ARHGEF3: variants seen among roughly 807,000 people sequenced by gnomAD.
ARHGEF3 encodes the protein 59.8 kDA protein.
A neutral mutation model predicts 63.2 loss-of-function variants in ARHGEF3; 28 were observed. The observed-to-expected ratio is 0.44, with a 90% confidence interval of 0.33 to 0.61. The LOEUF (loss-of-function observed/expected upper bound fraction) is 0.61, where lower values mean the gene tolerates loss of function less well. Among genes scored for constraint, ARHGEF3 ranks in the 20% least tolerant of loss-of-function variants. The pLI is 0.03. For synonymous variants in ARHGEF3, 266 were observed against 254.2 expected (o/e 1.05, Z -0.44); for missense variants, 533 against 659.3 (o/e 0.81, Z 2.10).
intron 2 of ARHGEF3, among the ~76,000 whole-genome samples, chr3:57,010,744 C>T (rs1702664439): frequency 6.6e-6 from 1 of 152,146 alleles, no homozygotes; most frequent in East Asian, 1.9e-4. Flanking sequence ...GAACCAAGGA[C>T]CCCAGTGTTC....
chr3:57,073,791 C>T, intron 1 of ARHGEF3: 1 of 1,614,238 alleles, frequency 6.2e-7, no homozygotes, highest in Non-Finnish European at 8.5e-7. Context: ...CGTTCCATGG[C>T]CACCCAGAGG....
chr3:56,794,415 G>C (rs1408105635), intron 1 of ARHGEF3, among the ~76,000 whole-genome samples: 1 of 150,066 alleles, frequency 6.7e-6, no homozygotes. Context: ...TTGAACCCGG[G>C]AGGCAGAGGT....
intron 4 of ARHGEF3, among the ~76,000 whole-genome samples, chr3:56,864,914 C>A (rs1160744027): frequency 6.6e-6 from 1 of 152,066 alleles, no homozygotes; most frequent in Non-Finnish European, 1.5e-5. Context: ...GAACATGAGA[C>A]CTTCAGTCAA....
chr3:56,853,476 ACAG>A (rs2039748007), intron 4 of ARHGEF3, among the ~76,000 whole-genome samples: 5 of 152,082 alleles, frequency 3.3e-5, no homozygotes, highest in Admixed American at 2.6e-4. Context: ...AGCTGGGATT[ACAG>A]GCATGTGCCA....
chr3:56,843,451 G>C (rs2039383587), intron 4 of ARHGEF3, among the ~76,000 whole-genome samples: 1 of 150,474 alleles, frequency 6.6e-6, no homozygotes, highest in Non-Finnish European at 1.5e-5. Context: ...TTTTTTTATA[G>C]AGAAAGGGTT....
rs961180166 is a variant in ARHGEF3 at position 56,916,006 on chromosome 3, C to A, written c.130-33652G>T. Among the ~76,000 whole-genome samples, 6 of 152,166 alleles carry A rather than the reference C, an allele frequency of 3.9e-5. No individual in the cohort carries two copies. The South Asian group carries it at 1.2e-3, about 31-fold the overall frequency. On this transcript the variant is annotated intron_variant, in intron 3 of 12. Transcript: ENST00000338458. ...GAAAAGCCCTTCCCTTTGTTCCCCT[C>A]CAATCACTTATGCTAAAGGAGGCCC...
intron 2 of ARHGEF3, among the ~76,000 whole-genome samples, chr3:56,960,179 A>G (rs1338237000): frequency 2.0e-5 from 3 of 152,236 alleles, no homozygotes; most frequent in African/African-American, 4.8e-5. Flanking sequence ...AATAGCAGCA[A>G]CTAACCAATA....
intron 3 of ARHGEF3, among the ~76,000 whole-genome samples, chr3:56,899,048 G>A (rs1356597126): frequency 2.6e-5 from 4 of 152,038 alleles, no homozygotes; most frequent in Non-Finnish European, 4.4e-5. Flanking sequence ...AAGAGACTCC[G>A]TCCCAAAAAC....
At chr3:56,931,540 C>T (rs548786146) in intron 3 of ARHGEF3, among the ~76,000 whole-genome samples, 90 of 123,992 alleles carry the variant, frequency 7.3e-4, no homozygotes, top group African/African-American at 2.7e-3. Flanking sequence ...CGTGCTACTG[C>T]ACTCCAGCCT....
intron 4 of ARHGEF3, among the ~76,000 whole-genome samples, chr3:56,851,191 G>A (rs903140942): frequency 3.3e-5 from 5 of 152,122 alleles, no homozygotes; most frequent in East Asian, 1.9e-4. Flanking sequence ...TCCTCCATCC[G>A]TCTCAGCTCT....
At chr3:57,019,182 C>A (rs1004356215) in intron 2 of ARHGEF3, among the ~76,000 whole-genome samples, 8 of 152,164 alleles carry the variant, frequency 5.3e-5, no homozygotes, top group Non-Finnish European at 1.0e-4. Context: ...ACCTTGGTTT[C>A]TTTATTTATA....
intron 6 of ARHGEF3, among the ~76,000 whole-genome samples, chr3:56,748,511 A>G (rs553855824): frequency 6.6e-6 from 1 of 151,768 alleles, no homozygotes; most frequent in South Asian, 2.1e-4. Flanking sequence ...CACTTTTTAA[A>G]GAAGTTCTTT....
At chr3:56,953,158 G>T (rs534906694) in intron 3 of ARHGEF3, among the ~76,000 whole-genome samples, 2 of 152,316 alleles carry the variant, frequency 1.3e-5, no homozygotes, top group African/African-American at 2.4e-5. Context: ...GAAGTGAAAG[G>T]CTTGCTGGCT....
At chr3:56,953,224 G>T (rs186016138) in intron 3 of ARHGEF3, among the ~76,000 whole-genome samples, 183 of 152,348 alleles carry the variant, frequency 1.2e-3, no homozygotes, top group African/African-American at 4.3e-3. Flanking sequence ...GGCCTGGTGT[G>T]TTGTGAGCAT....
At chr3:56,858,947 C>A (rs1032818156) in intron 4 of ARHGEF3, among the ~76,000 whole-genome samples, 2 of 152,020 alleles carry the variant, frequency 1.3e-5, no homozygotes, top group Admixed American at 1.3e-4. Flanking sequence ...CCTGCTGAAC[C>A]CTATGGACCT....
At chr3:56,982,558 C>T (rs893079043) in intron 2 of ARHGEF3, among the ~76,000 whole-genome samples, 5 of 152,172 alleles carry the variant, frequency 3.3e-5, no homozygotes, top group Non-Finnish European at 1.5e-5. Context: ...CACCATCAGA[C>T]CTACCCTATG....
Position 57,023,294 on chromosome 3 carries a change from C to T in ARHGEF3, c.62+11794G>A, listed in dbSNP as rs114198666. ...CCAGATCCACTCTCAATTCTACCAC[C>T]GAATATTTTTCATGAGTTCACCTCT... On this transcript the variant is annotated intron_variant, in intron 2 of 12. Transcript: ENST00000338458. 7.9e-3 allele frequency among the ~76,000 whole-genome samples: 1,198 copies of T among 152,262 alleles called. 11 individuals are homozygous for T. Among genetic ancestry groups the T allele is most frequent in the African/African-American group, 0.026 (1,073 of 41,540 alleles).
At chr3:56,916,312 C>T (rs1191114898) in intron 3 of ARHGEF3, 8 of 1,535,170 alleles carry the variant, frequency 5.2e-6, no homozygotes, top group African/African-American at 2.7e-5. Context: ...GGCTTACCTG[C>T]GAACGGACAA....
At chr3:57,040,634 T>A (rs1560154379) in intron 1 of ARHGEF3, among the ~76,000 whole-genome samples, 3 of 152,076 alleles carry the variant, frequency 2.0e-5, no homozygotes, top group Non-Finnish European at 4.4e-5. Flanking sequence ...AATACAGGTA[T>A]GATCCATTTG....
Sources: gnomAD v4.1 joint callset for allele counts (sites outside exome capture counted in the v4.1 genomes callset) on GRCh38, gnomAD v4.1.1 for gene constraint, MANE v1.5 for transcripts, NCBI Gene and HGNC (gene_info 2026-07-23, HGNC 2026-07-21) for gene names.